Variants in CDH1 observed in about 807,000 individuals in gnomAD.
CDH1 encodes the protein cadherin 1.
A neutral mutation model predicts 84.5 loss-of-function variants in CDH1; 35 were observed. That is an observed-to-expected ratio of 0.41 (90% CI 0.32 to 0.55). The LOEUF (loss-of-function observed/expected upper bound fraction) is 0.55, where lower values mean the gene tolerates loss of function less well. CDH1 is among the 20% of genes least tolerant of loss of function. CDH1 has a pLI of 0.19. For missense variants in CDH1, 994 were observed against 1,126.6 expected, an observed-to-expected ratio of 0.88 and a Z score of 1.68; for synonymous variants, 417 against 439.0, an observed-to-expected ratio of 0.95 and a Z score of 0.63.
rs9925080 is a variant in CDH1 at position 68,827,961 on chromosome 16, G to A, written c.2165-213G>A. On this transcript the variant is annotated intron_variant, in intron 13 of 15. Coordinates refer to ENST00000261769, the MANE Select transcript of CDH1 (RefSeq NM_004360.5). ...TCTGAAAGTTAAGGACCATGCTTGA[G>A]TTCACATATCACTGTCTACTATGTT... 0.057 allele frequency among the ~76,000 whole-genome samples: 8,612 copies of A among 152,198 alleles called. 301 individuals carry two copies. Among genetic ancestry groups the A allele is most frequent in the African/African-American group, 0.097 (4,005 of 41,502 alleles).
At chr16:68,801,257 G>A (rs938148691) in intron 2 of CDH1, among the ~76,000 whole-genome samples, 13 of 151,888 alleles carry the variant, frequency 8.6e-5, no homozygotes, top group South Asian at 2.1e-4. Context: ...AATTACAGGC[G>A]CCTGCCACTA....
chr16:68,757,008 CA>C (rs1334572970), intron 2 of CDH1, among the ~76,000 whole-genome samples: 1 of 152,062 alleles, frequency 6.6e-6, no homozygotes, highest in Non-Finnish European at 1.5e-5. Flanking sequence ...CTCTCAAAAA[CA>C]AAAAACAAAA....
Position 68,833,923 on chromosome 16 carries a change from T to A in CDH1, c.*424T>A, listed in dbSNP as rs867174076. 5.9e-4 allele frequency: 200 copies of A among 339,310 alleles called. 2 individuals carry two copies. Among genetic ancestry groups the A allele is most frequent in the Middle Eastern group, 8.4e-4 (1 of 1,190 alleles). The allele number at this position is 339,310 out of a possible 1,614,324, so 21.0% of individuals were successfully genotyped here. On this transcript the variant is annotated 3_prime_UTR_variant, in exon 16 of 16. Coordinates refer to ENST00000261769, the MANE Select transcript of CDH1 (RefSeq NM_004360.5). ...TATAATTTTTTAAAAAAAATTTGTGTGCTTCTGCTCATTACTACACTGGTG... is the reference window on the plus strand; with the variant it reads ...TATAATTTTTTAAAAAAAATTTGTGAGCTTCTGCTCATTACTACACTGGTG...
chr16:68,758,756 T>G lies in CDH1; in HGVS notation c.163+20345T>G, dbSNP rs547689039. 1.8e-4 allele frequency among the ~76,000 whole-genome samples: 28 copies of G among 152,078 alleles called. 1 individual carries two copies. The highest frequency in any genetic ancestry group is 6.5e-4 in the African/African-American group (27 of 41,514). On this transcript the variant is annotated intron_variant, in intron 2 of 15. Coordinates refer to ENST00000261769, the MANE Select transcript of CDH1 (RefSeq NM_004360.5). ...GTGATACCCCCTTATCACTTTGCTC[T>G]TGACCTCCTAAAGAATAAGACGCTC...
At chr16:68,765,563 AG>A (rs1959351385) in intron 2 of CDH1, 1 of 152,154 alleles carries the variant, frequency 6.6e-6, no homozygotes, top group Non-Finnish European at 1.5e-5. Context: ...CGGATCCAGC[AG>A]GTATGTAAGG....
rs781409616 is a variant in CDH1, at chr16:68,801,789, C to T, written c.283C>T (p.Gln95Ter). 1.2e-6 allele frequency: 2 copies of T among 1,614,170 alleles called. No homozygotes were observed. Among genetic ancestry groups the T allele is most frequent in the Non-Finnish European group, 1.7e-6 (2 of 1,179,984 alleles). ...VKRPLRFHNP[Q>*]IHFLVYAWDS... is the part of the protein sequence containing the mutation. The stretch of plus-strand genomic sequence containing the variant: ...AAGGCCTCTACGGTTTCATAACCCA[C>T]AGATCCATTTCTTGGTCTACGCCTG... The change falls in exon 3 of 16, where the codon CAG becomes TAG. Residue 95 changes from glutamine (Q) to a stop codon, truncating the protein, a stop_gained. Coordinates refer to ENST00000261769, the MANE Select transcript of CDH1 (RefSeq NM_004360.5). LOFTEE classifies it high-confidence loss of function.
Position 68,823,561 on chromosome 16 carries a change from C to T in CDH1, c.2099C>T (p.Pro700Leu). ...GAAGVCRKAQ[P>L]VEAGLQIPAI... ...GCTGGCGTCTGTAGGAAGGCACAGC[C>T]TGTCGAAGCAGGATTGCAAATTCCT... is the stretch of plus-strand genomic sequence containing the variant. Residue 700 changes from proline (P) to leucine (L), a missense_variant, in exon 13 of 16, where the codon CCT becomes CTT. This residue lies in a region of CDH1 where 769 missense variants were observed against 881.8 expected (regional missense o/e 0.87). Coordinates refer to ENST00000261769, the MANE Select transcript of CDH1 (RefSeq NM_004360.5). 1 of 1,613,974 alleles carries T rather than the reference C, an allele frequency of 6.2e-7. No individual in the cohort carries two copies. Among genetic ancestry groups the T allele is most frequent in the Non-Finnish European group, 8.5e-7 (1 of 1,180,018 alleles).
At chr16:68,762,816 G>GGAGAA (rs1959257698) in intron 2 of CDH1, among the ~76,000 whole-genome samples, 1 of 150,824 alleles carries the variant, frequency 6.6e-6, no homozygotes, top group African/African-American at 2.4e-5. Context: ...GGCTGAGGCA[G>GGAGAA]GAGAATCGCT....
At chr16:68,809,103 G>C in intron 5 of CDH1, 2 of 520,490 alleles carry the variant, frequency 3.8e-6, no homozygotes, top group Non-Finnish European at 6.9e-6. Context: ...TTAGACCCAA[G>C]ATGTCAACCT....
intron 2 of CDH1, among the ~76,000 whole-genome samples, chr16:68,741,920 C>G (rs958924481): frequency 2.6e-5 from 4 of 152,206 alleles, no homozygotes; most frequent in African/African-American, 9.7e-5. Context: ...ATCCGCCTGC[C>G]TTGGCCTCCC....
At chr16:68,787,703 G>A (rs565256734) in intron 2 of CDH1, among the ~76,000 whole-genome samples, 78 of 151,984 alleles carry the variant, frequency 5.1e-4, no homozygotes, top group Non-Finnish European at 7.5e-4. Context: ...TTATCATCCA[G>A]GCTGGAGTGC....
At chr16:68,755,990 C>T (rs1292498282) in intron 2 of CDH1, among the ~76,000 whole-genome samples, 1 of 152,036 alleles carries the variant, frequency 6.6e-6, no homozygotes. Flanking sequence ...TCTCCAACTC[C>T]TGACCTTAGG....
chr16:68,819,210 G>A lies in CDH1; in HGVS notation c.1566-70G>A, dbSNP rs568503791. The stretch of plus-strand genomic sequence containing the variant: ...GAAGTAACCATATAACTGAAGAAGC[G>A]CTTAAGCCGTTTTCAGCTACATGTT... On this transcript the variant is annotated intron_variant, in intron 10 of 15. Coordinates refer to ENST00000261769, the MANE Select transcript of CDH1 (RefSeq NM_004360.5). 1.1e-4 allele frequency: 179 copies of A among 1,559,430 alleles called. 2 individuals carry two copies. The South Asian group carries it at 1.2e-3, about 11-fold the overall frequency.
intron 3 of CDH1, among the ~76,000 whole-genome samples, chr16:68,806,269 A>G (rs1473446343): frequency 6.6e-6 from 1 of 151,954 alleles, no homozygotes; most frequent in Admixed American, 6.6e-5. Flanking sequence ...CTCACGCCTC[A>G]GCCTCCCAAG....
intron 2 of CDH1, among the ~76,000 whole-genome samples, chr16:68,756,130 A>ATTTTT (rs1491094193): frequency 6.9e-6 from 1 of 144,090 alleles, no homozygotes; most frequent in African/African-American, 2.8e-5. Flanking sequence ...CATTTAGGGC[A>ATTTTT]TATTTTTTTT....
At chr16:68,795,566 C>T (rs1179144567) in intron 2 of CDH1, among the ~76,000 whole-genome samples, 9 of 152,034 alleles carry the variant, frequency 5.9e-5, no homozygotes, top group Admixed American at 5.9e-4. Flanking sequence ...GCAATCTCTG[C>T]TCACTGCAAC....
At chr16:68,788,410 C>A (rs956180712) in intron 2 of CDH1, among the ~76,000 whole-genome samples, 2 of 152,240 alleles carry the variant, frequency 1.3e-5, no homozygotes, top group African/African-American at 4.8e-5. Context: ...TCCACCACCT[C>A]CCAAGTTCCC....
chr16:68,795,016 C>CT (rs1567498303), intron 2 of CDH1, among the ~76,000 whole-genome samples: 1 of 152,006 alleles, frequency 6.6e-6, no homozygotes, highest in Non-Finnish European at 1.5e-5. Context: ...TTTAGATTTT[C>CT]TTTTTTTGGT....
intron 14 of CDH1, 139 bp from the exon 15 acceptor site, chr16:68,829,515 T>C: frequency 4.5e-6 from 4 of 889,592 alleles, no homozygotes; most frequent in South Asian, 1.5e-5. Context: ...AAAACTGTCA[T>C]TTTGCATTAA....
Sources: gnomAD v4.1 joint callset for allele counts (sites outside exome capture counted in the v4.1 genomes callset) on GRCh38, gnomAD v4.1.1 for gene constraint, gnomAD v4.1.1 regional missense constraint, MANE v1.5 for transcripts, NCBI Gene and HGNC (gene_info 2026-07-23, HGNC 2026-07-21) for gene names.